Variants in SORCS2 observed in about 807,000 individuals in gnomAD.
SORCS2 encodes sortilin related VPS10 domain containing receptor 2.
SORCS2 carries 100 observed loss-of-function variants against 141.6 expected under a neutral mutation model. That is an observed-to-expected ratio of 0.71 (90% confidence interval 0.60 to 0.83). SORCS2 has a LOEUF of 0.83. Among genes scored for constraint, SORCS2 ranks in the 40% least tolerant of loss-of-function variants. The pLI is 0.00. For synonymous variants in SORCS2, 789 were observed against 676.9 expected, an observed-to-expected ratio of 1.17 and a Z score of -2.57; for missense variants, 1,646 against 1,560.2, an observed-to-expected ratio of 1.05 and a Z score of -0.93.
At position 7,242,551 on chromosome 4, in the gene SORCS2, G is replaced by A. The variant is rs142995749; in HGVS notation, c.480+49425G>A. Among the ~76,000 whole-genome samples, 523 of 152,068 alleles carry A rather than the reference G, an allele frequency of 3.4e-3. 4 individuals carry two copies. In the Middle Eastern group the frequency reaches 0.058, roughly 17 times the overall value. On this transcript the variant is annotated intron_variant, in intron 1 of 26. Transcript: ENST00000507866. ...AGCTCACTGCGTCATCCCCAAGCCCGTCTCTTCCCCTTCCTCTCCACCTTG... is the reference window on the plus strand; with the variant it reads ...AGCTCACTGCGTCATCCCCAAGCCCATCTCTTCCCCTTCCTCTCCACCTTG...
At chr4:7,380,909 C>T (rs1027464443) in intron 1 of SORCS2, among the ~76,000 whole-genome samples, 6 of 152,236 alleles carry the variant, frequency 3.9e-5, no homozygotes, top group African/African-American at 1.2e-4. Flanking sequence ...CGGTGAAACC[C>T]CGTCTCTACT....
intron 6 of SORCS2, 33 bp downstream of exon 6, chr4:7,661,597 C>T (rs370782462): frequency 3.7e-5 from 57 of 1,546,586 alleles, no homozygotes; most frequent in Non-Finnish European, 4.7e-5. Context: ...ACCGGGTATC[C>T]CTGAGTCACC....
chr4:7,507,731 C>T (rs972460519), intron 2 of SORCS2, among the ~76,000 whole-genome samples: 1 of 129,830 alleles, frequency 7.7e-6, no homozygotes, highest in African/African-American at 2.6e-5. Context: ...GTCAGTGGTC[C>T]ATTTTGTACT....
chr4:7,488,323 G>A (rs1234317410), intron 2 of SORCS2, among the ~76,000 whole-genome samples: 1 of 152,240 alleles, frequency 6.6e-6, no homozygotes, highest in Non-Finnish European at 1.5e-5. Flanking sequence ...AGTCTGTGGA[G>A]AGAGTCCTGC....
At chr4:7,385,786 C>T (rs994483346) in intron 1 of SORCS2, among the ~76,000 whole-genome samples, 1 of 152,212 alleles carries the variant, frequency 6.6e-6, no homozygotes, top group African/African-American at 2.4e-5. Flanking sequence ...CCTGAAGGGG[C>T]AGGGCACTGC....
intron 2 of SORCS2, among the ~76,000 whole-genome samples, chr4:7,406,228 C>T (rs1724961375): frequency 6.9e-6 from 1 of 145,782 alleles, no homozygotes; most frequent in African/African-American, 2.5e-5. Flanking sequence ...GTTTTGATAT[C>T]AGGGAAACGC....
rs552687734 is a variant in SORCS2 at position 7,722,204 on chromosome 4, C to T, written c.2425-1493C>T. Among the ~76,000 whole-genome samples, 4 of 152,336 alleles carry T rather than the reference C, an allele frequency of 2.6e-5. No individual in the cohort carries two copies. The South Asian group carries it at 6.2e-4, about 24-fold the overall frequency. ...TCACGAGTCCTGACTCTGGGTCACA[C>T]ATGCCTTCTCCTTCCCAGGATTAGC... On this transcript the variant is annotated intron_variant, in intron 18 of 26. Coordinates refer to ENST00000507866, the MANE Select transcript of SORCS2 (RefSeq NM_020777.3).
At chr4:7,422,042 T>C (rs1726108403) in intron 2 of SORCS2, among the ~76,000 whole-genome samples, 1 of 152,172 alleles carries the variant, frequency 6.6e-6, no homozygotes, top group Non-Finnish European at 1.5e-5. Flanking sequence ...CAGTCCAGCC[T>C]GGTCGGTGCC....
intron 1 of SORCS2, among the ~76,000 whole-genome samples, chr4:7,327,328 G>C (rs1039682162): frequency 6.6e-6 from 1 of 152,194 alleles, no homozygotes; most frequent in African/African-American, 2.4e-5. Context: ...TGTGCTCCTC[G>C]GCTTGCACCA....
intron 3 of SORCS2, among the ~76,000 whole-genome samples, chr4:7,629,365 A>C (rs1254364053): frequency 6.6e-6 from 1 of 152,172 alleles, no homozygotes; most frequent in African/African-American, 2.4e-5. Flanking sequence ...TGGGGTGGCC[A>C]GAGCCAGGTG....
chr4:7,571,187 T>C (rs1165785154), intron 3 of SORCS2, among the ~76,000 whole-genome samples: 1 of 151,896 alleles, frequency 6.6e-6, no homozygotes. Flanking sequence ...ACTCGTTAGG[T>C]TTTTCCGCAG....
At chr4:7,710,461 G>T (rs997440123) in intron 14 of SORCS2, among the ~76,000 whole-genome samples, 4 of 152,230 alleles carry the variant, frequency 2.6e-5, no homozygotes, top group African/African-American at 9.6e-5. Flanking sequence ...ACAGGCCACA[G>T]GAGAGTGTGA....
At chr4:7,412,277 C>A (rs1228739132) in intron 2 of SORCS2, among the ~76,000 whole-genome samples, 2 of 152,222 alleles carry the variant, frequency 1.3e-5, no homozygotes, top group Non-Finnish European at 2.9e-5. Flanking sequence ...CCGATGGCCA[C>A]CCCCTGGAGT....
At chr4:7,577,816 A>G (rs1715865295) in intron 3 of SORCS2, among the ~76,000 whole-genome samples, 1 of 150,180 alleles carries the variant, frequency 6.7e-6, no homozygotes, top group Non-Finnish European at 1.5e-5. Context: ...TATAGCATAC[A>G]GGCGAAGTCA....
intron 2 of SORCS2, 101 bp downstream of exon 2, chr4:7,396,456 C>T (rs1724223000): frequency 8.0e-7 from 1 of 1,244,376 alleles, no homozygotes; most frequent in Admixed American, 2.4e-5. Flanking sequence ...CTGTGGCAGC[C>T]CCTGTGAGTC....
At chr4:7,426,914 G>A (rs766033342) in intron 2 of SORCS2, among the ~76,000 whole-genome samples, 5 of 152,184 alleles carry the variant, frequency 3.3e-5, no homozygotes, top group Non-Finnish European at 7.3e-5. Flanking sequence ...GCCTGAACCC[G>A]GATAACAGTG....
At chr4:7,316,254 G>T (rs960057646) in intron 1 of SORCS2, among the ~76,000 whole-genome samples, 63 of 130,646 alleles carry the variant, frequency 4.8e-4, no homozygotes, top group African/African-American at 1.6e-3. Context: ...ATCCATCCAT[G>T]CATCCATTCG....
intron 3 of SORCS2, among the ~76,000 whole-genome samples, chr4:7,604,941 G>A (rs1717968557): frequency 6.6e-6 from 1 of 152,188 alleles, no homozygotes; most frequent in Admixed American, 6.5e-5. Context: ...CCATGCAGAT[G>A]TCAAAAGAGA....
At chr4:7,234,895 G>A (rs969701488) in intron 1 of SORCS2, among the ~76,000 whole-genome samples, 4 of 152,276 alleles carry the variant, frequency 2.6e-5, no homozygotes, top group Non-Finnish European at 5.9e-5. Flanking sequence ...GGCAGGCAGT[G>A]CTGGGGCCAG....
Sources: gnomAD v4.1 joint callset for allele counts (sites outside exome capture counted in the v4.1 genomes callset) on GRCh38, gnomAD v4.1.1 for gene constraint, MANE v1.5 for transcripts, NCBI Gene and HGNC (gene_info 2026-07-23, HGNC 2026-07-21) for gene names.